The following DENND2B variants were observed in gnomAD, a reference collection of about 807,000 sequenced individuals.
The protein encoded by DENND2B is DENN domain containing 2B.
Under a neutral mutation model 116.0 loss-of-function variants are expected in DENND2B, and 32 were observed. That is an observed-to-expected ratio of 0.28 (90% CI 0.21 to 0.37). The LOEUF (loss-of-function observed/expected upper bound fraction) is 0.37. Ranked by LOEUF, DENND2B falls within the 10% of genes least tolerant of loss-of-function variation. The pLI is 1.00. For missense variants in DENND2B, 1,276 were observed against 1,477.7 expected, an observed-to-expected ratio of 0.86 and a Z score of 2.24; for synonymous variants, 588 against 583.9, an observed-to-expected ratio of 1.01 and a Z score of -0.10.
chr11:8,708,059 T>A (rs763929565), intron 11 of DENND2B: 19 of 1,491,942 alleles, frequency 1.3e-5, no homozygotes, highest in Non-Finnish European at 1.6e-5. Context: ...CTGCAGGGTC[T>A]CCCAGCACCA....
chr11:8,803,071 A>G (rs1245961216), intron 1 of DENND2B, among the ~76,000 whole-genome samples: 1 of 152,196 alleles, frequency 6.6e-6, no homozygotes, highest in Non-Finnish European at 1.5e-5. Flanking sequence ...AGTTGAAAAC[A>G]CAAGATATAC....
Position 8,730,370 on chromosome 11 carries a change from C to A in DENND2B, c.920G>T (p.Cys307Phe). ...GRGLPQLPSS[C>F]YSVDRGKRKT... is the part of the protein sequence containing the mutation. ...CCTTTTCCCCCGGTCCACGCTGTAG[C>A]AGCTGCTGGGGAGCTGGGGGAGCCC... The change falls in exon 3 of 20, where the codon TGC (cysteine) becomes TTC (phenylalanine). Residue 307 changes from cysteine to phenylalanine, a missense_variant. By Grantham distance (205) the Cys-to-Phe change is radical. Transcript: ENST00000313726. The surrounding 1 kb of genome is among the most constrained non-coding windows in gnomAD (Gnocchi z 4.1). 6.2e-7 allele frequency: 1 copy of A among 1,604,188 alleles called. No individual in the cohort carries two copies.
intron 2 of DENND2B, among the ~76,000 whole-genome samples, chr11:8,746,647 T>C (rs2051308412): frequency 3.3e-5 from 5 of 152,186 alleles, no homozygotes; most frequent in Admixed American, 3.3e-4. Context: ...AAGTGAATAA[T>C]TGTATCCAGA....
intron 1 of DENND2B, among the ~76,000 whole-genome samples, chr11:8,897,381 CA>C (rs1566090243): frequency 1.3e-5 from 2 of 152,134 alleles, no homozygotes; most frequent in African/African-American, 4.8e-5. Flanking sequence ...TGAGTTTTTG[CA>C]ATCCCTACAC....
At chr11:8,798,229 C>T (rs935860173) in intron 1 of DENND2B, among the ~76,000 whole-genome samples, 11 of 152,200 alleles carry the variant, frequency 7.2e-5, no homozygotes, top group Non-Finnish European at 1.2e-4. Context: ...TCTACCTCCT[C>T]GGCATACAGA....
In DENND2B at chr11:8,862,353, A is replaced by C. The variant is rs866575568; in HGVS notation, c.-249-4917T>G. Among the ~76,000 whole-genome samples, 58 of 103,784 alleles carry C rather than the reference A, an allele frequency of 5.6e-4. No individual in the cohort carries two copies. In the South Asian group the frequency reaches 0.018, roughly 32 times the overall value. The allele number at this position is 103,784 out of a possible 152,430, so 68.1% of individuals were successfully genotyped here. On this transcript the variant is annotated intron_variant, in intron 2 of 6. Transcript: ENST00000524757. ...TTTTTTTTTTTTTTTTTTTTGAGAC[A>C]GGGTCTCACTCTGTCATCCAGGCTG... is the stretch of plus-strand genomic sequence containing the variant.
At chr11:8,898,907 G>T (rs1419428732) in intron 1 of DENND2B, among the ~76,000 whole-genome samples, 2 of 152,246 alleles carry the variant, frequency 1.3e-5, no homozygotes, top group African/African-American at 4.8e-5. Flanking sequence ...GTTAGACTTA[G>T]CAGACAGACT....
chr11:8,853,456 T>C (rs2063081696), intron 3 of DENND2B, among the ~76,000 whole-genome samples: 1 of 152,216 alleles, frequency 6.6e-6, no homozygotes, highest in East Asian at 1.9e-4. Flanking sequence ...GTCCTACCTA[T>C]GAAGAGCAGG....
At chr11:8,828,495 G>T (rs893789293) in intron 4 of DENND2B, among the ~76,000 whole-genome samples, 1 of 152,030 alleles carries the variant, frequency 6.6e-6, no homozygotes. Flanking sequence ...CTCTGTGAGG[G>T]GTCACTGCTT....
Position 8,717,767 on chromosome 11 carries a change from T to C in DENND2B, c.1603A>G (p.Arg535Gly), listed in dbSNP as rs2045210583. ...SLHRMWSPQD[R>G]KYNSPPTQLS... The stretch of plus-strand genomic sequence containing the variant: ...TGTGTGGGCGGGCTGTTGTACTTCC[T>C]GTCCTGAGGACTCCACATCCTGTGC... Residue 535 changes from arginine (R) to glycine (G), a missense_variant, in exon 5 of 20, where the codon AGG becomes GGG. Transcript: ENST00000313726. 5 of 1,584,054 alleles carry C rather than the reference T, an allele frequency of 3.2e-6. No individual in the cohort carries two copies. Among genetic ancestry groups the C allele is most frequent in the South Asian group, 2.3e-5 (2 of 88,824 alleles).
rs374614357 is a variant in DENND2B at position 8,746,024 on chromosome 11, A to G, written c.80+4597T>C. On this transcript the variant is annotated intron_variant, in intron 2 of 19. Transcript: ENST00000313726. Reference sequence around the variant, plus strand: ...GCCACTAAGTTTGGGGTCATTTGTTATGTAGCAATAAATAACCAGACCAGT... The same window carrying G: ...GCCACTAAGTTTGGGGTCATTTGTTGTGTAGCAATAAATAACCAGACCAGT... Among the ~76,000 whole-genome samples, 40 of 152,362 alleles carry G rather than the reference A, an allele frequency of 2.6e-4. 1 individual carries two copies. The South Asian group carries it at 8.1e-3, about 31-fold the overall frequency.
In DENND2B at chr11:8,767,332, C is replaced by T. The variant is rs72849104; in HGVS notation, c.-25-16607G>A. ...GAGGGTGATCATTGGCTTGGGAATT[C>T]GGAAAGGCTCTCGTGTGAAAAAGGG... On this transcript the variant is annotated intron_variant, in intron 1 of 19. Coordinates refer to ENST00000313726, the MANE Select transcript of DENND2B (RefSeq NM_213618.2). Among the ~76,000 whole-genome samples the T allele has an allele frequency of 8.3e-3, 1,270 of 152,190 alleles. 11 individuals are homozygous for T. The highest frequency in any genetic ancestry group is 0.013 in the Non-Finnish European group (908 of 68,014).
chr11:8,736,332 C>G (rs550069874), intron 2 of DENND2B, among the ~76,000 whole-genome samples: 101 of 151,426 alleles, frequency 6.7e-4, no homozygotes, highest in African/African-American at 2.4e-3. Context: ...GCCTGGGCAA[C>G]AGAGTGAGAC....
At chr11:8,719,027 G>C in intron 4 of DENND2B, 2 of 985,786 alleles carry the variant, frequency 2.0e-6, no homozygotes, top group Non-Finnish European at 2.4e-6. Flanking sequence ...CAGCACCTCT[G>C]CTCAGCAGCA....
chr11:8,816,889 G>A (rs59524952), intron 4 of DENND2B, among the ~76,000 whole-genome samples: 2,468 of 152,206 alleles, frequency 0.016, 71 homozygotes, highest in African/African-American at 0.056. Flanking sequence ...ATCATTCTAC[G>A]CAGTCACCCA....
At position 8,896,752 on chromosome 11, in the gene DENND2B, A is replaced by G. The variant is rs541991300; in HGVS notation, c.-256+14069T>C. On this transcript the variant is annotated intron_variant, in intron 1 of 22. Transcript: ENST00000534127. ...GGCTTTGTGTTAGATGATTTTGCCC[A>G]ACTTTAGGCTAATGTGAGTGTTCTG... Among the ~76,000 whole-genome samples, 5 of 152,372 alleles carry G rather than the reference A, an allele frequency of 3.3e-5. No individual in the cohort carries two copies. The East Asian group carries it at 9.6e-4, about 29-fold the overall frequency.
At chr11:8,714,177 T>C (rs911248860) in intron 7 of DENND2B, 135 bp from the exon 8 acceptor site, 3 of 893,286 alleles carry the variant, frequency 3.4e-6, no homozygotes, top group Admixed American at 4.0e-5. Context: ...TGGTCAGGCA[T>C]CTGCAGGCAG....
intron 1 of DENND2B, among the ~76,000 whole-genome samples, chr11:8,789,070 A>G (rs892179092): frequency 6.6e-6 from 1 of 152,224 alleles, no homozygotes; most frequent in African/African-American, 2.4e-5. Context: ...GTCAGATACC[A>G]CACATCCAAT....
At chr11:8,784,496 A>T (rs2058705280) in intron 1 of DENND2B, 1 of 152,126 alleles carries the variant, frequency 6.6e-6, no homozygotes, top group Non-Finnish European at 1.5e-5. Context: ...TTTAGCCTAC[A>T]CAACCAGCAA....
Sources: gnomAD v4.1 joint callset for allele counts (sites outside exome capture counted in the v4.1 genomes callset) on GRCh38, gnomAD v4.1.1 for gene constraint, Gnocchi (gnomAD v3.1) non-coding constraint, MANE v1.5 for transcripts, NCBI Gene and HGNC (gene_info 2026-07-23, HGNC 2026-07-21) for gene names.